Variants in MYO9A observed in about 807,000 individuals in gnomAD.
MYO9A encodes unconventional myosin-IXa.
In MYO9A, 103 loss-of-function variants were observed where a neutral mutation model predicts 293.3. The observed-to-expected ratio is 0.35, with a 90% CI of 0.30 to 0.41. The LOEUF (loss-of-function observed/expected upper bound fraction) is 0.41, where lower values mean the gene tolerates loss of function less well. MYO9A is among the 10% of genes least tolerant of loss of function. The probability of loss-of-function intolerance (pLI) is 1.00; values close to 1 mark genes in which losing one functional copy is unlikely to be tolerated. For synonymous variants in MYO9A, 1,001 were observed against 1,035.7 expected (o/e 0.97, Z 0.64); for missense variants, 2,685 against 3,033.0 (o/e 0.89, Z 2.69).
At chr15:72,052,961 G>A (rs2078610649) in intron 1 of MYO9A, among the ~76,000 whole-genome samples, 1 of 143,264 alleles carries the variant, frequency 7.0e-6, no homozygotes, top group South Asian at 2.2e-4. Context: ...GACGTTTCCA[G>A]CCTGAAAAGT....
At chr15:72,001,541 C>T (rs963697204) in intron 8 of MYO9A, among the ~76,000 whole-genome samples, 2 of 100,210 alleles carry the variant, frequency 2.0e-5, no homozygotes, top group African/African-American at 8.1e-5. Flanking sequence ...GAGACAGAGT[C>T]AGACTCCATC....
chr15:71,888,307 G>A (rs953614556), intron 26 of MYO9A, 191 bp from the exon 27 acceptor site: 1 of 346,202 alleles, frequency 2.9e-6, no homozygotes, highest in Non-Finnish European at 5.2e-6. Context: ...AAGATGACTT[G>A]GTCAATGAAA....
chr15:71,978,777 C>CT (rs11414149), intron 11 of MYO9A, among the ~76,000 whole-genome samples: 142,853 of 146,672 alleles, frequency 0.97, 69,596 homozygotes, highest in Middle Eastern at 0.99. Flanking sequence ...ATCTTTAGGA[C>CT]TTTTTTTTTT....
chr15:72,105,944 T>A (rs2080551922), intron 1 of MYO9A, among the ~76,000 whole-genome samples: 1 of 152,092 alleles, frequency 6.6e-6, no homozygotes, highest in Non-Finnish European at 1.5e-5. Flanking sequence ...ATATTGTGTC[T>A]CCGTAAAAAA....
At chr15:71,844,331 CTCTG>C (rs1312021331) in intron 39 of MYO9A, among the ~76,000 whole-genome samples, 5 of 152,298 alleles carry the variant, frequency 3.3e-5, no homozygotes, top group Admixed American at 1.3e-4. Flanking sequence ...ATTTGCCATG[CTCTG>C]TCTAAGGAAG....
intron 1 of MYO9A, among the ~76,000 whole-genome samples, chr15:72,066,980 A>C (rs2150094351): frequency 6.6e-6 from 1 of 150,758 alleles, no homozygotes; most frequent in South Asian, 2.1e-4. Flanking sequence ...TATTCCATAT[A>C]ATAAATGTAT....
intron 10 of MYO9A, among the ~76,000 whole-genome samples, chr15:71,994,261 T>C (rs1253867474): frequency 6.6e-6 from 1 of 152,156 alleles, no homozygotes; most frequent in Admixed American, 6.6e-5. Flanking sequence ...CAACTCTGAA[T>C]ATACACGTTC....
In MYO9A at chr15:71,859,743, A is replaced by C; in HGVS notation, c.6145T>G (p.Ser2049Ala). The C allele has an allele frequency of 6.2e-7, 1 of 1,612,570 alleles. No individual in the cohort carries two copies. The highest frequency in any genetic ancestry group is 8.5e-7 in the Non-Finnish European group (1 of 1,178,960). The change falls in exon 34 of 42, where the codon TCT becomes GCT. Residue 2049 changes from serine (S) to alanine (A), a missense_variant. Ser to Ala is a moderately conservative substitution (Grantham distance 99, BLOSUM62 1). Around this residue, in one of 10 missense-constraint regions of MYO9A, gnomAD observed 238 missense variants for 269.1 expected, o/e 0.88. Transcript: ENST00000356056. ...AGGTGATAATTTCTTACCTTTTTAG[A>C]GCACTTGGCTGTGGTTTTCAGACAG... ...KCCLKTTAKC[S>A]KKYDPELSSR...
chr15:71,990,973 A>G, intron 11 of MYO9A, 130 bp downstream of exon 11: 1 of 917,828 alleles, frequency 1.1e-6, no homozygotes. Context: ...TTGTAAAGGC[A>G]CGTTTCAATA....
chr15:71,971,217 G>C (rs1306845014), intron 12 of MYO9A, among the ~76,000 whole-genome samples: 1 of 151,748 alleles, frequency 6.6e-6, no homozygotes. Context: ...TTAAATCTAT[G>C]TGAAGTAGCA....
rs1200806049 is a variant in MYO9A, at chr15:71,862,784, A to G, written c.5980-173T>C. On this transcript the variant is annotated intron_variant, in intron 32 of 41. Coordinates refer to ENST00000356056, the MANE Select transcript of MYO9A (RefSeq NM_006901.4). ...ATAAAATATATTTTTCCTGCTTTCCAAAAGCTAACAATCTAGATAAACATG... is the reference window on the plus strand; with the variant it reads ...ATAAAATATATTTTTCCTGCTTTCCGAAAGCTAACAATCTAGATAAACATG... Among the ~76,000 whole-genome samples the G allele has an allele frequency of 2.0e-5, 3 of 152,190 alleles. No individual in the cohort carries two copies. The East Asian group carries it at 5.8e-4, about 29-fold the overall frequency.
chr15:72,117,608 G>A (rs945843658), intron 1 of MYO9A, 72 bp downstream of exon 1: 4 of 392,066 alleles, frequency 1.0e-5, no homozygotes, highest in African/African-American at 6.2e-5. Flanking sequence ...GGCCCGACCG[G>A]AGCCAAATAG....
chr15:72,002,800 C>T (rs903007505), intron 8 of MYO9A, among the ~76,000 whole-genome samples: 1 of 152,132 alleles, frequency 6.6e-6, no homozygotes, highest in Non-Finnish European at 1.5e-5. Context: ...TTCAATTATA[C>T]ACAATATTTT....
chr15:71,840,372 G>A (rs543587131), intron 39 of MYO9A, among the ~76,000 whole-genome samples: 12 of 152,144 alleles, frequency 7.9e-5, no homozygotes, highest in Non-Finnish European at 1.8e-4. Flanking sequence ...GCTCCCACAC[G>A]AGGATGATCT....
At chr15:71,845,133 G>A (rs942911528) in intron 39 of MYO9A, among the ~76,000 whole-genome samples, 1 of 152,196 alleles carries the variant, frequency 6.6e-6, no homozygotes, top group Non-Finnish European at 1.5e-5. Flanking sequence ...ACCACTTCCT[G>A]AGGAGTTTGC....
At chr15:71,942,874 T>A (rs532599295) in intron 15 of MYO9A, among the ~76,000 whole-genome samples, 2 of 152,048 alleles carry the variant, frequency 1.3e-5, no homozygotes, top group Admixed American at 6.5e-5. Context: ...TTATTAAATA[T>A]CAAAACTTTC....
chr15:71,840,872 C>T (rs908331386), intron 39 of MYO9A, among the ~76,000 whole-genome samples: 62 of 152,328 alleles, frequency 4.1e-4, no homozygotes, highest in African/African-American at 1.5e-3. Context: ...ACCTCGTGAT[C>T]CGCCCACCTC....
intron 1 of MYO9A, among the ~76,000 whole-genome samples, chr15:72,101,850 C>G (rs552534371): frequency 0.011 from 1,716 of 150,020 alleles, no homozygotes; most frequent in Non-Finnish European, 0.017. Context: ...CCAGCCGCCC[C>G]GTCCGGGAGG....
intron 14 of MYO9A, among the ~76,000 whole-genome samples, chr15:71,954,609 T>A (rs1293836999): frequency 6.6e-6 from 1 of 152,236 alleles, no homozygotes; most frequent in African/African-American, 2.4e-5. Flanking sequence ...ACCAAACACA[T>A]AGTATAAATT....
Sources: gnomAD v4.1 joint callset for allele counts (sites outside exome capture counted in the v4.1 genomes callset) on GRCh38, gnomAD v4.1.1 for gene constraint, gnomAD v4.1.1 regional missense constraint, MANE v1.5 for transcripts, NCBI Gene and HGNC (gene_info 2026-07-23, HGNC 2026-07-21) for gene names.